RPS6KC1: variants seen among roughly 807,000 people sequenced by gnomAD.
RPS6KC1 encodes the protein inactive ribosomal protein S6 kinase delta-1.
RPS6KC1 carries 54 observed loss-of-function variants against 103.8 expected under a neutral mutation model. The ratio of observed to expected loss-of-function variants is 0.52; its 90% CI spans 0.42 to 0.65. The LOEUF (loss-of-function observed/expected upper bound fraction) is 0.65. Ranked by LOEUF, RPS6KC1 falls within the 30% of genes least tolerant of loss-of-function variation. RPS6KC1 has a pLI of 0.00. For synonymous variants in RPS6KC1, 439 were observed against 438.7 expected (o/e 1.00, Z -0.01); for missense variants, 1,151 against 1,253.8 (o/e 0.92, Z 1.24).
chr1:213,091,259 ACCATGTTAG>A (rs1323698913), intron 3 of RPS6KC1, among the ~76,000 whole-genome samples: 1 of 151,982 alleles, frequency 6.6e-6, no homozygotes, highest in Non-Finnish European at 1.5e-5. Context: ...ACGGAGTTTC[ACCATGTTAG>A]CCAGGATGAT....
At chr1:213,278,715 A>G (rs2149210073), downstream of RPS6KC1, among the ~76,000 whole-genome samples, 1 of 152,278 alleles carries the variant, frequency 6.6e-6, no homozygotes, top group South Asian at 2.1e-4. Context: ...TATAAAACAC[A>G]GGGGAAAGAA....
At chr1:213,732,521 C>A in the RPS6KC1 span, among the ~76,000 whole-genome samples, 1 of 152,184 alleles carries the variant, frequency 6.6e-6, no homozygotes, top group Non-Finnish European at 1.5e-5. Context: ...TAGCCCAGTG[C>A]CTGACACATA....
At chr1:213,787,097 C>T in the RPS6KC1 span, among the ~76,000 whole-genome samples, 1 of 152,166 alleles carries the variant, frequency 6.6e-6, no homozygotes, top group Non-Finnish European at 1.5e-5. Flanking sequence ...AACCTTATAA[C>T]TTTCATCAAG....
intron 8 of RPS6KC1, among the ~76,000 whole-genome samples, chr1:213,198,832 CATT>C (rs1224041631): frequency 9.2e-5 from 14 of 152,226 alleles, no homozygotes; most frequent in African/African-American, 2.9e-4. Context: ...ACTTCTAACT[CATT>C]ATATGAGGCC....
intron 8 of RPS6KC1, among the ~76,000 whole-genome samples, chr1:213,199,674 G>C (rs1573215091): frequency 6.6e-6 from 1 of 152,140 alleles, no homozygotes. Flanking sequence ...AAGAAATAAA[G>C]GGCATTCAAA....
intron 12 of RPS6KC1, among the ~76,000 whole-genome samples, chr1:213,256,834 G>A (rs557204062): frequency 5.9e-5 from 9 of 152,178 alleles, no homozygotes; most frequent in African/African-American, 1.9e-4. Context: ...AGTTGAGCAA[G>A]TTCACAGAAA....
At chr1:213,653,332 A>G in the RPS6KC1 span, among the ~76,000 whole-genome samples, 6 of 152,110 alleles carry the variant, frequency 3.9e-5, no homozygotes, top group African/African-American at 1.4e-4. Flanking sequence ...GGTGGCACGC[A>G]TCTGTAGTCC....
chr1:213,631,521 T>C, the RPS6KC1 span, among the ~76,000 whole-genome samples: 4 of 152,198 alleles, frequency 2.6e-5, no homozygotes, highest in African/African-American at 9.6e-5. Flanking sequence ...AATGTCAGAA[T>C]GAAGATACCT....
chr1:213,681,443 T>C, the RPS6KC1 span, among the ~76,000 whole-genome samples: 79 of 152,158 alleles, frequency 5.2e-4, no homozygotes, highest in African/African-American at 1.4e-3. Context: ...AGGATGCCTT[T>C]GAAGGGAGAT....
the RPS6KC1 span, among the ~76,000 whole-genome samples, chr1:213,626,307 T>C: frequency 6.6e-6 from 1 of 152,248 alleles, no homozygotes; most frequent in Non-Finnish European, 1.5e-5. Flanking sequence ...TTTGAGTTCA[T>C]TGTAGATTCT....
At chr1:213,412,888 C>T in the RPS6KC1 span, among the ~76,000 whole-genome samples, 1 of 152,208 alleles carries the variant, frequency 6.6e-6, no homozygotes, top group African/African-American at 2.4e-5. Context: ...GAGAAACACT[C>T]CCCCCAGCCA....
intron 3 of RPS6KC1, among the ~76,000 whole-genome samples, chr1:213,103,068 C>T (rs755762811): frequency 1.1e-4 from 16 of 151,788 alleles, no homozygotes; most frequent in African/African-American, 1.9e-4. Context: ...GCTGTGGTGG[C>T]GTGTGCCTGT....
At chr1:213,779,466 T>C in the RPS6KC1 span, among the ~76,000 whole-genome samples, 2 of 152,250 alleles carry the variant, frequency 1.3e-5, no homozygotes, top group African/African-American at 4.8e-5. Flanking sequence ...AGCTTACTCA[T>C]GGATTCATGG....
chr1:213,241,163 A>T lies in RPS6KC1; in HGVS notation c.1687A>T (p.Thr563Ser), dbSNP rs1435955942. Residue 563 changes from threonine to serine, a missense_variant, in exon 11 of 15, where the codon ACA (threonine) becomes TCA (serine). Physicochemically the swap from Thr to Ser is moderately conservative, Grantham distance 58 (BLOSUM62 1). Coordinates refer to ENST00000366960, the MANE Select transcript of RPS6KC1 (RefSeq NM_012424.6). ...HLAADSDSPS[T>S]QLRAHELKFF... ...TGCTGCTGACAGTGACAGCCCCAGCACACAGCTGAGAGCTCACGAGCTGAA... is the reference window on the plus strand; with the variant it reads ...TGCTGCTGACAGTGACAGCCCCAGCTCACAGCTGAGAGCTCACGAGCTGAA... 3 of 1,613,992 alleles carry T rather than the reference A, an allele frequency of 1.9e-6. No homozygotes were observed. The highest frequency in any genetic ancestry group is 1.7e-6 in the Non-Finnish European group (2 of 1,179,952).
At chr1:213,506,338 G>A in the RPS6KC1 span, among the ~76,000 whole-genome samples, 2 of 152,244 alleles carry the variant, frequency 1.3e-5, no homozygotes, top group Non-Finnish European at 2.9e-5. Context: ...ATTTTAGGGC[G>A]ACACCCATAC....
intron 8 of RPS6KC1, among the ~76,000 whole-genome samples, chr1:213,222,073 AT>A (rs1313273023): frequency 1.3e-5 from 2 of 152,206 alleles, no homozygotes; most frequent in Non-Finnish European, 2.9e-5. Context: ...CTTTGCAGAA[AT>A]TGATGCAGCG....
In RPS6KC1 at chr1:213,274,465, T is replaced by C. The variant is rs1160839178; in HGVS notation, c.*1831T>C. The C allele has an allele frequency of 2.6e-5, 4 of 152,238 alleles. No individual in the cohort carries two copies. The highest frequency in any genetic ancestry group is 5.9e-5 in the Non-Finnish European group (4 of 68,048). The allele number at this position is 152,238 out of a possible 1,614,324, so 9.4% of individuals were successfully genotyped here. On this transcript the variant is annotated 3_prime_UTR_variant, in exon 15 of 15. Transcript: ENST00000366960. ...TTAATGTCAACAGATGGTTGCCATG[T>C]CAGTCTGTTGACACAATTCCATTGC...
intron 8 of RPS6KC1, among the ~76,000 whole-genome samples, chr1:213,210,642 G>A (rs2093478488): frequency 6.6e-6 from 1 of 152,176 alleles, no homozygotes; most frequent in Non-Finnish European, 1.5e-5. Context: ...AACACATTGT[G>A]TTCTTATACT....
At chr1:213,699,038 C>T in the RPS6KC1 span, among the ~76,000 whole-genome samples, 1 of 152,056 alleles carries the variant, frequency 6.6e-6, no homozygotes, top group Non-Finnish European at 1.5e-5. Context: ...AACCATTTAT[C>T]CTTTGTATTA....
Sources: gnomAD v4.1 joint callset for allele counts (sites outside exome capture counted in the v4.1 genomes callset) on GRCh38, gnomAD v4.1.1 for gene constraint, MANE v1.5 for transcripts, NCBI Gene and HGNC (gene_info 2026-07-23, HGNC 2026-07-21) for gene names.